Variants in SYTL5 observed in about 807,000 individuals in gnomAD.
SYTL5 encodes synaptotagmin-like protein 5.
SYTL5 carries 34 observed loss-of-function variants against 55.9 expected under a neutral mutation model. The ratio of observed to expected loss-of-function variants is 0.61; its 90% CI spans 0.46 to 0.81. The LOEUF (loss-of-function observed/expected upper bound fraction) is 0.81. Among genes scored for constraint, SYTL5 ranks in the 30% least tolerant of loss-of-function variants. The pLI, the probability that SYTL5 is intolerant of heterozygous loss-of-function variation, is 0.00. For synonymous variants in SYTL5, 221 were observed against 188.7 expected (o/e 1.17, Z -1.40); for missense variants, 637 against 546.7 (o/e 1.17, Z -1.65).
At chrX:37,967,016 G>T in the SYTL5 span, among the ~76,000 whole-genome samples, 1 of 111,573 alleles carries the variant, frequency 9.0e-6, no homozygotes, top group Admixed American at 9.5e-5. Context: ...CACTTTTGAA[G>T]AATAGTTTTG....
chrX:37,917,781 T>C, the SYTL5 span, among the ~76,000 whole-genome samples: 1 of 111,539 alleles, frequency 9.0e-6, no homozygotes. Flanking sequence ...TGCTTCTTTA[T>C]ACTCTAAGGA....
intron 15 of SYTL5, among the ~76,000 whole-genome samples, 160 bp downstream of exon 15, chrX:38,122,375 C>T (rs1449813113): frequency 8.9e-6 from 1 of 111,999 alleles, no homozygotes; most frequent in Non-Finnish European, 1.9e-5. Context: ...TAAAATAACA[C>T]AAGTGTTGAG....
intron 2 of SYTL5, among the ~76,000 whole-genome samples, chrX:38,039,276 G>A (rs1367202439): frequency 8.9e-6 from 1 of 112,438 alleles, no homozygotes; most frequent in Non-Finnish European, 1.9e-5. Context: ...TCTATGGAGA[G>A]CAAGTCACTC....
At chrX:37,998,339 C>G in the SYTL5 span, among the ~76,000 whole-genome samples, 1 of 112,131 alleles carries the variant, frequency 8.9e-6, no homozygotes, top group Non-Finnish European at 1.9e-5. Context: ...TCGGGGAGCC[C>G]AGACCTGAGA....
rs185990698 is a variant in SYTL5, at chrX:38,019,203, T to C, written c.-357+12535T>C. Reference sequence around the variant, plus strand: ...CACAGGCTTGGCCACTCAGCCTCTTTCGCTGTGTTTCCTAAGAAAACATTC... The same window carrying C: ...CACAGGCTTGGCCACTCAGCCTCTTCCGCTGTGTTTCCTAAGAAAACATTC... On this transcript the variant is annotated intron_variant, in intron 1 of 16. Transcript: ENST00000297875. Among the ~76,000 whole-genome samples, 556 of 112,293 alleles carry C rather than the reference T, an allele frequency of 5.0e-3. 3 individuals carry two copies. Among genetic ancestry groups the C allele is most frequent in the Non-Finnish European group, 8.8e-3 (471 of 53,260 alleles).
chrX:38,102,105 A>G (rs1181421489), intron 9 of SYTL5, among the ~76,000 whole-genome samples: 2 of 110,809 alleles, frequency 1.8e-5, no homozygotes. Flanking sequence ...TTCTTTCAAT[A>G]AAGTAAGCAC....
intron 13 of SYTL5, among the ~76,000 whole-genome samples, chrX:38,118,941 G>A (rs752828051): frequency 1.2e-4 from 9 of 75,226 alleles, no homozygotes; most frequent in African/African-American, 4.5e-4. Flanking sequence ...ATATATATAT[G>A]TACGCATATA....
intron 2 of SYTL5, among the ~76,000 whole-genome samples, chrX:38,034,576 A>T (rs773994517): frequency 1.7e-4 from 19 of 112,077 alleles, no homozygotes; most frequent in African/African-American, 6.2e-4. Context: ...TTCCCATCAT[A>T]CCCCAGAAAC....
intron 1 of SYTL5, among the ~76,000 whole-genome samples, chrX:38,007,259 T>A (rs1040501555): frequency 8.9e-6 from 1 of 111,782 alleles, no homozygotes; most frequent in Non-Finnish European, 1.9e-5. Context: ...CCTGGAATAA[T>A]TTCAACATGA....
At chrX:37,899,666 C>T in the SYTL5 span, among the ~76,000 whole-genome samples, 1 of 111,938 alleles carries the variant, frequency 8.9e-6, no homozygotes, top group African/African-American at 3.2e-5. Flanking sequence ...TTATGTGCTG[C>T]CCCATGACAC....
At chrX:38,094,061 C>T (rs752655575) in intron 7 of SYTL5, among the ~76,000 whole-genome samples, 2 of 110,835 alleles carry the variant, frequency 1.8e-5, no homozygotes, top group Non-Finnish European at 3.8e-5. Context: ...AGAAATTGTC[C>T]GGATACCTTT....
intron 8 of SYTL5, 103 bp from the exon 9 acceptor site, chrX:38,096,031 C>T: frequency 7.1e-6 from 3 of 422,601 alleles, no homozygotes; most frequent in Middle Eastern, 5.0e-4. Flanking sequence ...ATGATCTGTG[C>T]CTAAAAAGAA....
the SYTL5 span, chrX:37,990,958 G>C: frequency 1.7e-6 from 2 of 1,211,856 alleles, no homozygotes; most frequent in Non-Finnish European, 2.2e-6. Flanking sequence ...CAAGATGAAC[G>C]AGACGTCCAA....
At chrX:37,950,536 G>A in the SYTL5 span, among the ~76,000 whole-genome samples, 1 of 110,871 alleles carries the variant, frequency 9.0e-6, no homozygotes, top group Non-Finnish European at 1.9e-5. Context: ...TATGCTTTCA[G>A]TCTTCAGAAC....
intron 2 of SYTL5, among the ~76,000 whole-genome samples, chrX:38,051,706 G>C (rs949611921): frequency 9.0e-6 from 1 of 111,278 alleles, no homozygotes; most frequent in Non-Finnish European, 1.9e-5. Flanking sequence ...GAAAAGTTAT[G>C]CTTCATTGCT....
At chrX:38,087,507 C>T (rs1190013464) in intron 6 of SYTL5, among the ~76,000 whole-genome samples, 3 of 112,216 alleles carry the variant, frequency 2.7e-5, no homozygotes, top group African/African-American at 9.7e-5. Context: ...TCTTAGAGAT[C>T]TTCTCAGCTG....
intron 4 of SYTL5, 84 bp from the exon 5 acceptor site, chrX:38,073,505 TG>T: frequency 1.4e-6 from 1 of 701,922 alleles, no homozygotes; most frequent in Non-Finnish European, 2.1e-6. Context: ...TGAGCTAATC[TG>T]GGAAAGTGAA....
chrX:38,048,478 G>T (rs1935535615), intron 2 of SYTL5, among the ~76,000 whole-genome samples: 1 of 104,451 alleles, frequency 9.6e-6, no homozygotes, highest in Non-Finnish European at 1.9e-5. Context: ...TACTTTATTA[G>T]TCTGTTTTCA....
intron 13 of SYTL5, among the ~76,000 whole-genome samples, 173 bp downstream of exon 13, chrX:38,110,655 G>A (rs1937337263): frequency 8.9e-6 from 1 of 111,796 alleles, no homozygotes; most frequent in South Asian, 3.8e-4. Flanking sequence ...CCACCGTTTT[G>A]GAAATTCTTT....
Sources: gnomAD v4.1 joint callset for allele counts (sites outside exome capture counted in the v4.1 genomes callset) on GRCh38, gnomAD v4.1.1 for gene constraint, MANE v1.5 for transcripts, NCBI Gene and HGNC (gene_info 2026-07-23, HGNC 2026-07-21) for gene names.